Variants in CLRN2 observed in about 807,000 individuals in gnomAD.
The protein encoded by CLRN2 is clarin 2.
Under a neutral mutation model 20.1 loss-of-function variants are expected in CLRN2, and 17 were observed. The observed-to-expected ratio is 0.85, with a 90% CI of 0.58 to 1.27. The LOEUF (loss-of-function observed/expected upper bound fraction) is 1.27, where lower values mean the gene tolerates loss of function less well. CLRN2 is among the 50% of genes most tolerant of loss of function. CLRN2 has a pLI of 0.00. For missense variants in CLRN2, 288 were observed against 299.5 expected (o/e 0.96, Z 0.28); for synonymous variants, 140 against 126.9 (o/e 1.10, Z -0.70).
At chr4:17,517,534 G>A (rs148346024) in intron 1 of CLRN2, among the ~76,000 whole-genome samples, 7 of 152,284 alleles carry the variant, frequency 4.6e-5, no homozygotes, top group South Asian at 2.1e-4. Flanking sequence ...AAACTGCTTC[G>A]AGTAGGAAGC....
Position 17,515,456 on chromosome 4 carries a change from G to T in CLRN2, c.190G>T (p.Gly64Trp), listed in dbSNP as rs758368719. 1.9e-6 allele frequency: 3 copies of T among 1,613,780 alleles called. No homozygotes were observed. Among genetic ancestry groups the T allele is most frequent in the African/African-American group, 1.3e-5 (1 of 74,888 alleles). ...LVKFIGDIYY[G>W]LFRGCKVRQC... ...CAAGTTCATTGGGGACATTTACTACGGGCTCTTCCGAGGGTGTAAAGTGCG... is the reference window on the plus strand; with the variant it reads ...CAAGTTCATTGGGGACATTTACTACTGGCTCTTCCGAGGGTGTAAAGTGCG... The change falls in exon 1 of 3, where the codon GGG becomes TGG. Residue 64 changes from glycine (G) to tryptophan (W), a missense_variant. Transcript: ENST00000511148.
chr4:17,515,192 T>C lies in CLRN2; in HGVS notation c.-75T>C, dbSNP rs747897458. ...GAAGAGCTGACCTTGGAGCAGAGCA[T>C]TGCCGAGTATCTGAAAGATGTCAAT... On this transcript the variant is annotated 5_prime_UTR_variant, in exon 1 of 3. Transcript: ENST00000511148. 5.1e-6 allele frequency: 8 copies of C among 1,560,450 alleles called. No homozygotes were observed. The South Asian group carries it at 7.2e-5, about 14-fold the overall frequency.
chr4:17,518,382 C>T (rs933948686), intron 1 of CLRN2, among the ~76,000 whole-genome samples: 2 of 152,224 alleles, frequency 1.3e-5, no homozygotes, highest in African/African-American at 4.8e-5. Flanking sequence ...ATTGTCCACA[C>T]ATTCAATTGT....
At chr4:17,515,935 C>T (rs13148153) in intron 1 of CLRN2, among the ~76,000 whole-genome samples, 15,961 of 152,218 alleles carry the variant, frequency 0.1, 1,012 homozygotes, top group South Asian at 0.14. Flanking sequence ...GGTTACATAA[C>T]TTACCTGAGG....
chr4:17,519,992 A>G (rs1711796921), intron 1 of CLRN2, among the ~76,000 whole-genome samples: 1 of 152,200 alleles, frequency 6.6e-6, no homozygotes, highest in Non-Finnish European at 1.5e-5. Flanking sequence ...TACAGGCATG[A>G]GCCACTGCCC....
At chr4:17,521,631 AAC>A (rs1184125300) in intron 1 of CLRN2, among the ~76,000 whole-genome samples, 4 of 152,262 alleles carry the variant, frequency 2.6e-5, no homozygotes, top group African/African-American at 9.6e-5. Context: ...AAACCAGGGA[AAC>A]ACAGCCTCCG....
chr4:17,525,481 A>C (rs1028353612), intron 2 of CLRN2, among the ~76,000 whole-genome samples: 2 of 151,986 alleles, frequency 1.3e-5, no homozygotes, highest in African/African-American at 2.4e-5. Flanking sequence ...ACAAACAAAC[A>C]AACCAACAAA....
chr4:17,518,189 C>T (rs550980926), intron 1 of CLRN2, among the ~76,000 whole-genome samples: 130 of 152,172 alleles, frequency 8.5e-4, no homozygotes, highest in Non-Finnish European at 1.4e-3. Flanking sequence ...TTTCTCATCA[C>T]AGAGGCCTCC....
intron 2 of CLRN2, among the ~76,000 whole-genome samples, chr4:17,525,138 A>G (rs1711943432): frequency 6.6e-6 from 1 of 152,206 alleles, no homozygotes; most frequent in Non-Finnish European, 1.5e-5. Context: ...GAGAACAAGG[A>G]TGTACATAAA....
chr4:17,524,022 T>C (rs915228944), intron 2 of CLRN2, among the ~76,000 whole-genome samples: 1 of 151,918 alleles, frequency 6.6e-6, no homozygotes, highest in African/African-American at 2.4e-5. Flanking sequence ...GGAGGTATTA[T>C]TAGACCCACA....
intron 1 of CLRN2, among the ~76,000 whole-genome samples, chr4:17,518,271 G>A (rs1711737855): frequency 6.6e-6 from 1 of 152,142 alleles, no homozygotes; most frequent in South Asian, 2.1e-4. Flanking sequence ...CCATCGCAAA[G>A]ATTAAGGTCC....
intron 2 of CLRN2, among the ~76,000 whole-genome samples, chr4:17,524,610 A>G (rs1711924233): frequency 6.6e-6 from 1 of 152,150 alleles, no homozygotes; most frequent in African/African-American, 2.4e-5. Flanking sequence ...AGAGGCTGTC[A>G]TGTAAAAAGT....
At chr4:17,521,400 G>A (rs772021566) in intron 1 of CLRN2, among the ~76,000 whole-genome samples, 13 of 152,198 alleles carry the variant, frequency 8.5e-5, no homozygotes, top group Non-Finnish European at 1.9e-4. Context: ...AGGTGAACCA[G>A]CAAAGGAACT....
At chr4:17,526,734 T>C (rs1018612475) in intron 2 of CLRN2, 83 bp from the exon 3 acceptor site, 3 of 1,545,468 alleles carry the variant, frequency 1.9e-6, no homozygotes, top group Non-Finnish European at 2.6e-6. Context: ...CAAAGCAAGT[T>C]TGTCACACGT....
Position 17,527,023 on chromosome 4 carries a change from C to G in CLRN2, c.640C>G (p.Pro214Ala), listed in dbSNP as rs772309644. 5 of 1,613,976 alleles carry G rather than the reference C, an allele frequency of 3.1e-6. No homozygotes were observed. The highest frequency in any genetic ancestry group is 4.2e-6 in the Non-Finnish European group (5 of 1,179,884). Reference sequence around the variant, plus strand: ...GGTGGCGATCAGTCAAATTCCCCTCCCTGAGATTAAGACCAAAATCGAAGA... The same window carrying G: ...GGTGGCGATCAGTCAAATTCCCCTCGCTGAGATTAAGACCAAAATCGAAGA... Reference protein sequence around the residue: ...VVVAISQIPLPEIKTKIEEAT... With the variant: ...VVVAISQIPLAEIKTKIEEAT... Residue 214 changes from proline (P) to alanine (A), a missense_variant, in exon 3 of 3, where the codon CCT becomes GCT. By Grantham distance (27) the Pro-to-Ala change is conservative. Transcript: ENST00000511148.
chr4:17,524,824 A>T (rs1367222327), intron 2 of CLRN2, among the ~76,000 whole-genome samples: 3 of 151,926 alleles, frequency 2.0e-5, no homozygotes, highest in Non-Finnish European at 4.4e-5. Flanking sequence ...GAGAGCTATA[A>T]TCCCAACACT....
At chr4:17,519,960 T>G (rs1284103594) in intron 1 of CLRN2, among the ~76,000 whole-genome samples, 1 of 152,132 alleles carries the variant, frequency 6.6e-6, no homozygotes, top group Non-Finnish European at 1.5e-5. Context: ...CCCCCCATAA[T>G]GGCTCCCAGA....
intron 1 of CLRN2, among the ~76,000 whole-genome samples, chr4:17,516,790 G>A (rs1711686890): frequency 2.0e-5 from 3 of 152,248 alleles, no homozygotes; most frequent in South Asian, 2.1e-4. Context: ...TGGACTACTC[G>A]ATTCTGAACT....
chr4:17,515,578 G>C (rs1357658816), intron 1 of CLRN2, 59 bp downstream of exon 1: 1 of 1,569,380 alleles, frequency 6.4e-7, no homozygotes, highest in Non-Finnish European at 8.7e-7. Context: ...TAATGTGTAA[G>C]AGTGCTTATG....
Sources: allele counts gnomAD v4.1 joint callset (sites outside exome capture counted in the v4.1 genomes callset), GRCh38; gene constraint gnomAD v4.1.1; transcripts MANE v1.5; gene names NCBI Gene and HGNC (gene_info 2026-07-23, HGNC 2026-07-21).